Variants in CFAP92 observed in about 807,000 individuals in gnomAD.
The protein encoded by CFAP92 is uncharacterized protein CFAP92.
A neutral mutation model predicts 106.3 loss-of-function variants in CFAP92; 86 were observed. That is an observed-to-expected ratio of 0.81 (90% CI 0.68 to 0.97). The LOEUF (loss-of-function observed/expected upper bound fraction) is 0.97. Ranked by LOEUF, CFAP92 falls within the 50% of genes least tolerant of loss-of-function variation. The pLI is 0.00. For synonymous variants in CFAP92, 477 were observed against 506.4 expected (o/e 0.94, Z 0.78); for missense variants, 1,204 against 1,283.8 (o/e 0.94, Z 0.95).
chr3:128,948,377 C>CTTTTTTTTTTT (rs4040748), intron 9 of CFAP92, among the ~76,000 whole-genome samples: 3 of 79,708 alleles, frequency 3.8e-5, no homozygotes, highest in African/African-American at 3.8e-5. Flanking sequence ...CTTTTCTTTC[C>CTTTTTTTTTTT]TTTTTTTTTT....
intron 12 of CFAP92, among the ~76,000 whole-genome samples, chr3:128,919,250 T>G (rs72973239): frequency 4.6e-4 from 70 of 152,248 alleles, no homozygotes; most frequent in African/African-American, 1.5e-3. Context: ...AGCCTGGATT[T>G]TTTTTTCAAG....
At chr3:128,976,437 A>G (rs770249321) in intron 6 of CFAP92, among the ~76,000 whole-genome samples, 14 of 152,316 alleles carry the variant, frequency 9.2e-5, no homozygotes, top group African/African-American at 3.4e-4. Flanking sequence ...ATACAAAAAC[A>G]ATTTTTAAAA....
intron 1 of CFAP92, chr3:129,002,276 C>T: frequency 6.5e-7 from 1 of 1,530,128 alleles, no homozygotes; most frequent in South Asian, 1.2e-5. Flanking sequence ...TGGTGGAGGA[C>T]CTGCGCGCCG....
chr3:129,010,841 C>A, the CFAP92 span, among the ~76,000 whole-genome samples: 1 of 152,178 alleles, frequency 6.6e-6, no homozygotes, highest in Non-Finnish European at 1.5e-5. This position sits in a 1 kb window ranked among gnomAD's most constrained non-coding sequence, Gnocchi z 4.3. Context: ...AGAGGCAGAC[C>A]CACTCAGGCA....
chr3:128,973,499 A>C (rs1051687335), intron 7 of CFAP92, among the ~76,000 whole-genome samples: 3 of 152,074 alleles, frequency 2.0e-5, no homozygotes, highest in Admixed American at 2.0e-4. Context: ...TCTACTAAAA[A>C]TACAAAACTA....
the CFAP92 span, among the ~76,000 whole-genome samples, chr3:129,010,267 C>T: frequency 5.9e-5 from 9 of 152,354 alleles, no homozygotes; most frequent in East Asian, 1.5e-3. The surrounding 1 kb of genome is among the most constrained non-coding windows in gnomAD (Gnocchi z 4.3). Context: ...CAACCAGTTG[C>T]CTGGCCTGGC....
intron 7 of CFAP92, 105 bp from the exon 8 acceptor site, chr3:128,971,538 C>G: frequency 1.0e-6 from 1 of 955,380 alleles, no homozygotes; most frequent in East Asian, 2.7e-5. Flanking sequence ...TCTGGAAGCT[C>G]CTAGAAGGCA....
chr3:128,993,260 T>A lies in CFAP92; in HGVS notation c.45A>T (p.Ile15=), dbSNP rs1944332150. The change falls in exon 2 of 16, where the codon ATA becomes ATT. Residue 15 remains isoleucine, a synonymous_variant. Transcript: ENST00000645291. ...AGCTAGTGATGGAGGAGATGGGCTC[T>A]ATGCTTGCGGGGTCCTCTTCCCACT... The part of the protein sequence containing the change: ...AWEWEEDPAS[I]EPISSITSFY... 1.9e-6 allele frequency: 3 copies of A among 1,613,816 alleles called. No homozygotes were observed. The highest frequency in any genetic ancestry group is 2.2e-5 in the South Asian group (2 of 91,086).
chr3:128,920,960 C>G (rs1022392022), intron 12 of CFAP92, among the ~76,000 whole-genome samples: 12 of 152,214 alleles, frequency 7.9e-5, no homozygotes, highest in African/African-American at 2.4e-4. Context: ...AAATTCTAAA[C>G]CATCACAGCT....
At chr3:128,957,797 A>G (rs75787711) in intron 9 of CFAP92, among the ~76,000 whole-genome samples, 1,774 of 151,574 alleles carry the variant, frequency 0.012, 17 homozygotes, top group Non-Finnish European at 0.018. Flanking sequence ...TTTCATTTAT[A>G]TAACCACACC....
chr3:128,920,308 C>G (rs1322074043), intron 12 of CFAP92, among the ~76,000 whole-genome samples: 1 of 152,052 alleles, frequency 6.6e-6, no homozygotes, highest in Non-Finnish European at 1.5e-5. Context: ...AAGGCTGAGG[C>G]AGGGAGAATT....
intron 10 of CFAP92, among the ~76,000 whole-genome samples, chr3:128,939,213 A>G (rs371727268): frequency 2.0e-3 from 306 of 152,144 alleles, no homozygotes; most frequent in African/African-American, 6.8e-3. Flanking sequence ...ATCTCGGCTC[A>G]CTACAACCTC....
At chr3:128,964,443 ACTC>A (rs1303985774) in intron 9 of CFAP92, among the ~76,000 whole-genome samples, 1 of 152,000 alleles carries the variant, frequency 6.6e-6, no homozygotes, top group African/African-American at 2.4e-5. Flanking sequence ...GTTCTCAACT[ACTC>A]ATACGTGCCC....
chr3:128,927,375 G>A (rs1439782480), intron 12 of CFAP92, among the ~76,000 whole-genome samples: 3 of 152,084 alleles, frequency 2.0e-5, no homozygotes. Context: ...TTTCTTCACA[G>A]ATGACGTGAT....
chr3:128,925,484 G>GA (rs1294422653), intron 12 of CFAP92, among the ~76,000 whole-genome samples: 3 of 151,996 alleles, frequency 2.0e-5, no homozygotes, highest in Non-Finnish European at 1.5e-5. Context: ...TATATTGGTT[G>GA]AAAATAATCA....
chr3:128,979,048 C>T (rs1289789450), intron 4 of CFAP92, among the ~76,000 whole-genome samples: 1 of 152,194 alleles, frequency 6.6e-6, no homozygotes, highest in Non-Finnish European at 1.5e-5. Flanking sequence ...TTGCAACCTA[C>T]TCATCTGATA....
chr3:128,929,413 C>G (rs1302161023), intron 12 of CFAP92, among the ~76,000 whole-genome samples: 4 of 152,106 alleles, frequency 2.6e-5, no homozygotes, highest in East Asian at 1.9e-4. Context: ...CCCAGCAATT[C>G]CACTCCTAGG....
chr3:129,002,294 G>A (rs57803238), intron 1 of CFAP92: 21,968 of 1,526,802 alleles, frequency 0.014, 985 homozygotes, highest in African/African-American at 0.11. Context: ...CCGCGCTGCA[G>A]AGCAGTGATG....
At chr3:128,984,714 T>C (rs1024079723) in intron 4 of CFAP92, among the ~76,000 whole-genome samples, 1 of 152,190 alleles carries the variant, frequency 6.6e-6, no homozygotes, top group African/African-American at 2.4e-5. Flanking sequence ...ATCTATCCTA[T>C]TAGCCCTTCC....
Sources: gnomAD v4.1 joint callset for allele counts (sites outside exome capture counted in the v4.1 genomes callset) on GRCh38, gnomAD v4.1.1 for gene constraint, Gnocchi (gnomAD v3.1) non-coding constraint, MANE v1.5 for transcripts, NCBI Gene and HGNC (gene_info 2026-07-23, HGNC 2026-07-21) for gene names.